The following CPED1 variants were observed in gnomAD, a reference collection of about 807,000 sequenced individuals.
CPED1 encodes the protein cadherin-like and PC-esterase domain-containing protein 1.
In CPED1, 114 loss-of-function variants were observed where a neutral mutation model predicts 128.2. The observed-to-expected ratio is 0.89, with a 90% CI of 0.76 to 1.04. The LOEUF is 1.04. Among genes scored for constraint, CPED1 ranks in the 50% least tolerant of loss-of-function variants. The pLI is 0.00. For missense variants in CPED1, 1,211 were observed against 1,207.1 expected (o/e 1.00, Z -0.05); for synonymous variants, 462 against 426.7 (o/e 1.08, Z -1.02).
At position 121,124,449 on chromosome 7, in the gene CPED1, C is replaced by T. The variant is rs1168118661; in HGVS notation, c.1037C>T (p.Thr346Ile). The change falls in exon 8 of 23, where the codon ACT (threonine) becomes ATT (isoleucine). Residue 346 changes from threonine to isoleucine, a missense_variant. By Grantham distance (89) the Thr-to-Ile change is moderately conservative. Transcript: ENST00000310396. ...LAAEVFSETS[T>I]LGPKTFHRCR... ...GCTGAAGTATTCAGTGAAACATCTA[C>T]TCTGGGACCAAAGACCTTCCATAGG... 13 of 1,566,964 alleles carry T rather than the reference C, an allele frequency of 8.3e-6. No individual in the cohort carries two copies. Among genetic ancestry groups the T allele is most frequent in the Non-Finnish European group, 1.1e-5 (13 of 1,156,044 alleles).
intron 16 of CPED1, among the ~76,000 whole-genome samples, chr7:121,208,080 T>C (rs992004679): frequency 1.3e-5 from 2 of 152,014 alleles, no homozygotes; most frequent in African/African-American, 4.8e-5. Context: ...TTTTTAAGTA[T>C]GCAAATCTAA....
intron 16 of CPED1, among the ~76,000 whole-genome samples, chr7:121,194,330 C>T (rs1184750501): frequency 6.6e-6 from 1 of 151,926 alleles, no homozygotes; most frequent in African/African-American, 2.4e-5. Context: ...GGATTACTAG[C>T]ACAAGCCACT....
chr7:121,027,780 G>A (rs892770370), intron 3 of CPED1, among the ~76,000 whole-genome samples: 85 of 128,762 alleles, frequency 6.6e-4, no homozygotes, highest in Non-Finnish European at 1.2e-3. Context: ...TAATAATAAT[G>A]AGTTTCAGCT....
rs558495415 is a variant in CPED1 at position 121,238,503 on chromosome 7, G to A, written c.2173+1672G>A. The stretch of plus-strand genomic sequence containing the variant: ...GCCTTTTTTCACCACCAGATTCCCA[G>A]CTTAGCTTCTTCCCAGTGCATCCTG... On this transcript the variant is annotated intron_variant, in intron 17 of 22. Transcript: ENST00000310396. Among the ~76,000 whole-genome samples, 68 of 152,136 alleles carry A rather than the reference G, an allele frequency of 4.5e-4. No individual in the cohort carries two copies. In the Middle Eastern group the frequency reaches 0.01, roughly 23 times the overall value.
intron 6 of CPED1, among the ~76,000 whole-genome samples, chr7:121,098,505 G>A (rs1794753900): frequency 6.6e-6 from 1 of 151,680 alleles, no homozygotes; most frequent in South Asian, 2.1e-4. Context: ...GTCAAGGCAG[G>A]AGGATTATTT....
chr7:121,248,066 A>G (rs910013300), intron 18 of CPED1, among the ~76,000 whole-genome samples: 2 of 152,048 alleles, frequency 1.3e-5, no homozygotes, highest in African/African-American at 4.8e-5. Context: ...CGCACCTGAA[A>G]CCTAACTCCA....
At chr7:121,226,720 CTCT>C (rs1342496152) in intron 16 of CPED1, among the ~76,000 whole-genome samples, 2 of 152,188 alleles carry the variant, frequency 1.3e-5, no homozygotes, top group East Asian at 3.9e-4. Flanking sequence ...ATAAATTGCT[CTCT>C]TCTTGAAAAA....
chr7:121,172,676 A>AGATAGATAGATG (rs1796679080), intron 16 of CPED1, among the ~76,000 whole-genome samples: 1 of 151,688 alleles, frequency 6.6e-6, no homozygotes, highest in Non-Finnish European at 1.5e-5. Flanking sequence ...ATAGATAGAT[A>AGATAGATAGATG]GATAGATAGA....
intron 3 of CPED1, among the ~76,000 whole-genome samples, chr7:121,017,319 A>G (rs1409453361): frequency 7.2e-5 from 11 of 152,210 alleles, no homozygotes; most frequent in Non-Finnish European, 5.9e-5. Flanking sequence ...AGATCTGAAA[A>G]GAAACTTTGC....
intron 7 of CPED1, among the ~76,000 whole-genome samples, chr7:121,116,934 C>T (rs1294766752): frequency 5.2e-5 from 7 of 133,420 alleles, no homozygotes; most frequent in Non-Finnish European, 9.5e-5. Flanking sequence ...TTAAATACAA[C>T]ATAGAAACTC....
At position 121,077,544 on chromosome 7, in the gene CPED1, G is replaced by T. The variant is rs142097329; in HGVS notation, c.616+13231G>T. Among the ~76,000 whole-genome samples, 895 of 152,046 alleles carry T rather than the reference G, an allele frequency of 5.9e-3. 11 individuals carry two copies. Among genetic ancestry groups the T allele is most frequent in the African/African-American group, 0.018 (728 of 41,492 alleles). ...TGAACAAATTATTGCACATTTATTG[G>T]TGGGAAACTGAAGACATAAATAATG... On this transcript the variant is annotated intron_variant, in intron 5 of 22. Transcript: ENST00000310396.
At chr7:121,087,113 A>G (rs1794442836) in intron 5 of CPED1, among the ~76,000 whole-genome samples, 1 of 152,140 alleles carries the variant, frequency 6.6e-6, no homozygotes, top group Non-Finnish European at 1.5e-5. Flanking sequence ...CCCAATAACA[A>G]CAGATCTGAT....
chr7:121,262,631 GAATT>G (rs1305355315), intron 18 of CPED1, among the ~76,000 whole-genome samples: 6 of 152,002 alleles, frequency 3.9e-5, no homozygotes, highest in Admixed American at 6.6e-5. Flanking sequence ...GGGAGAGAAA[GAATT>G]ATTTATAAAT....
At chr7:121,121,990 G>C (rs1049819593) in intron 7 of CPED1, among the ~76,000 whole-genome samples, 1 of 152,104 alleles carries the variant, frequency 6.6e-6, no homozygotes, top group Non-Finnish European at 1.5e-5. Flanking sequence ...ACTGATAAAA[G>C]TTGTGCCTTC....
At chr7:121,175,861 C>T (rs1265551132) in intron 16 of CPED1, among the ~76,000 whole-genome samples, 1 of 152,000 alleles carries the variant, frequency 6.6e-6, no homozygotes, top group South Asian at 2.1e-4. Flanking sequence ...CAGTGAAGGA[C>T]AAGAGAAGCT....
rs552391174 is a variant in CPED1 at position 121,145,719 on chromosome 7, T to C, written c.2055+3578T>C. 1.5e-4 allele frequency among the ~76,000 whole-genome samples: 23 copies of C among 150,082 alleles called. No homozygotes were observed. In the South Asian group the frequency reaches 4.9e-3, roughly 32 times the overall value. ...TTTAATCTCATTAGTGTCTTTAGGTTTCAAATTAATAGCTAAGCAGATATA... is the reference window on the plus strand; with the variant it reads ...TTTAATCTCATTAGTGTCTTTAGGTCTCAAATTAATAGCTAAGCAGATATA... On this transcript the variant is annotated intron_variant, in intron 16 of 22. Transcript: ENST00000310396.
At chr7:120,997,887 A>G (rs868724172) in intron 2 of CPED1, among the ~76,000 whole-genome samples, 1 of 151,866 alleles carries the variant, frequency 6.6e-6, no homozygotes, top group African/African-American at 2.4e-5. Context: ...GTGCCACTGC[A>G]CTCCAGCCTG....
intron 4 of CPED1, among the ~76,000 whole-genome samples, chr7:121,063,441 C>T (rs1585047827): frequency 6.7e-6 from 1 of 148,908 alleles, no homozygotes; most frequent in East Asian, 2.0e-4. Flanking sequence ...AGCGAGCTAC[C>T]ACCCCTGTTT....
chr7:121,014,099 G>A (rs1365492028), intron 2 of CPED1, among the ~76,000 whole-genome samples: 2 of 152,194 alleles, frequency 1.3e-5, no homozygotes, highest in Admixed American at 1.3e-4. Context: ...AATTTGATAA[G>A]TGAAATAACG....
Sources: allele counts gnomAD v4.1 joint callset (sites outside exome capture counted in the v4.1 genomes callset), GRCh38; gene constraint gnomAD v4.1.1; transcripts MANE v1.5; gene names NCBI Gene and HGNC (gene_info 2026-07-23, HGNC 2026-07-21).